The following NEK11 variants were observed in gnomAD, a reference collection of about 807,000 sequenced individuals.
NEK11 encodes the protein serine/threonine-protein kinase Nek11.
NEK11 carries 72 observed loss-of-function variants against 80.7 expected under a neutral mutation model. The observed-to-expected ratio is 0.89, with a 90% CI of 0.74 to 1.08. NEK11 has a LOEUF of 1.08. Among genes scored for constraint, NEK11 ranks in the 50% least tolerant of loss-of-function variants. The pLI is 0.00. For synonymous variants in NEK11, 251 were observed against 260.7 expected (o/e 0.96, Z 0.36); for missense variants, 764 against 763.6 (o/e 1.00, Z -0.01).
At chr3:131,181,594 A>C (rs922587852) in intron 14 of NEK11, among the ~76,000 whole-genome samples, 7 of 151,906 alleles carry the variant, frequency 4.6e-5, no homozygotes, top group Non-Finnish European at 8.8e-5. Context: ...AAAATACAAA[A>C]AATTAGCAGG....
intron 5 of NEK11, among the ~76,000 whole-genome samples, chr3:131,122,688 A>G (rs958451823): frequency 1.3e-5 from 2 of 152,200 alleles, no homozygotes; most frequent in Non-Finnish European, 2.9e-5. Flanking sequence ...TAAACTGTTC[A>G]TATTAGGGCT....
chr3:131,052,615 G>A (rs935874107), intron 3 of NEK11, among the ~76,000 whole-genome samples: 4 of 152,116 alleles, frequency 2.6e-5, no homozygotes, highest in Non-Finnish European at 4.4e-5. Flanking sequence ...CCTTGCCACC[G>A]TATGTCTCTC....
intron 17 of NEK11, among the ~76,000 whole-genome samples, chr3:131,322,660 A>G (rs1457552980): frequency 6.6e-6 from 1 of 152,130 alleles, no homozygotes; most frequent in African/African-American, 2.4e-5. Flanking sequence ...GAGGGGTGAG[A>G]GATTCTGCAT....
chr3:131,207,710 T>C (rs2094485764), intron 14 of NEK11, among the ~76,000 whole-genome samples: 1 of 152,258 alleles, frequency 6.6e-6, no homozygotes. Context: ...ATTTCTCTGA[T>C]GGCCAGTGAT....
intron 17 of NEK11, among the ~76,000 whole-genome samples, chr3:131,333,513 A>G (rs1401772123): frequency 1.3e-5 from 2 of 152,342 alleles, no homozygotes; most frequent in African/African-American, 2.4e-5. Context: ...CTGCAAAATC[A>G]TGCCAAAATG....
At chr3:131,111,996 T>A (rs146322213) in intron 5 of NEK11, among the ~76,000 whole-genome samples, 16 of 152,274 alleles carry the variant, frequency 1.1e-4, no homozygotes, top group African/African-American at 3.6e-4. Context: ...AGGGTATACA[T>A]TGATATAAAC....
intron 14 of NEK11, among the ~76,000 whole-genome samples, chr3:131,222,890 TG>T (rs149186316): frequency 5.4e-4 from 82 of 152,360 alleles, no homozygotes; most frequent in African/African-American, 2.0e-3. Context: ...GGCATTTATT[TG>T]GGTCTTAATT....
At chr3:131,089,431 T>G (rs1335785164) in intron 4 of NEK11, among the ~76,000 whole-genome samples, 1 of 152,040 alleles carries the variant, frequency 6.6e-6, no homozygotes, top group African/African-American at 2.4e-5. Flanking sequence ...GGGAAGCTTT[T>G]TCATTATTTT....
At chr3:131,069,965 C>T (rs889009985) in intron 3 of NEK11, among the ~76,000 whole-genome samples, 9 of 148,962 alleles carry the variant, frequency 6.0e-5, no homozygotes, top group African/African-American at 2.2e-4. Context: ...TACCCTAAAA[C>T]TTAAAGTATA....
At chr3:131,031,660 A>T (rs1249859621) in intron 3 of NEK11, among the ~76,000 whole-genome samples, 2 of 152,190 alleles carry the variant, frequency 1.3e-5, no homozygotes, top group Non-Finnish European at 2.9e-5. Flanking sequence ...AAAGAGAATG[A>T]GAGAGAAGAA....
intron 5 of NEK11, among the ~76,000 whole-genome samples, chr3:131,118,374 G>T (rs1357242068): frequency 1.3e-5 from 2 of 152,170 alleles, no homozygotes; most frequent in Non-Finnish European, 2.9e-5. Flanking sequence ...GATTCAGTTT[G>T]CCAGTATTTT....
chr3:131,282,435 T>C (rs565267016), intron 17 of NEK11, among the ~76,000 whole-genome samples: 3 of 152,256 alleles, frequency 2.0e-5, no homozygotes, highest in African/African-American at 7.2e-5. Flanking sequence ...CCCTGGTATA[T>C]TGAATGGCTA....
At chr3:131,053,977 A>G (rs1019968331) in intron 3 of NEK11, among the ~76,000 whole-genome samples, 6 of 152,268 alleles carry the variant, frequency 3.9e-5, no homozygotes, top group African/African-American at 1.4e-4. Context: ...ACACACATTT[A>G]AAGTTGTGGT....
At chr3:131,180,277 G>T (rs914749598) in intron 14 of NEK11, among the ~76,000 whole-genome samples, 2 of 152,274 alleles carry the variant, frequency 1.3e-5, no homozygotes, top group Middle Eastern at 3.4e-3. Flanking sequence ...TCAGATATGG[G>T]TGAACACTAC....
chr3:131,060,790 T>G (rs2070709217), intron 3 of NEK11, among the ~76,000 whole-genome samples: 1 of 152,216 alleles, frequency 6.6e-6, no homozygotes, highest in African/African-American at 2.4e-5. Context: ...TTTTAATTTC[T>G]CTTCATCCTC....
At chr3:131,068,334 G>A (rs2072462556) in intron 3 of NEK11, among the ~76,000 whole-genome samples, 1 of 152,208 alleles carries the variant, frequency 6.6e-6, no homozygotes. Context: ...TGAACCAGAA[G>A]CAGCATTTGA....
At chr3:131,332,653 A>G (rs2097110964) in intron 17 of NEK11, among the ~76,000 whole-genome samples, 1 of 152,256 alleles carries the variant, frequency 6.6e-6, no homozygotes, top group South Asian at 2.1e-4. Flanking sequence ...AAGGCTTCAG[A>G]TGATCAAAAT....
chr3:131,118,925 C>T (rs1271589227), intron 5 of NEK11, among the ~76,000 whole-genome samples: 1 of 152,102 alleles, frequency 6.6e-6, no homozygotes, highest in South Asian at 2.1e-4. Context: ...AAACCAGCTC[C>T]TGGATTGATT....
chr3:131,241,055 A>G (rs904957101), intron 15 of NEK11, among the ~76,000 whole-genome samples: 1 of 152,186 alleles, frequency 6.6e-6, no homozygotes, highest in Non-Finnish European at 1.5e-5. Flanking sequence ...TTTTGGTTTT[A>G]ATGGATCTGT....
Sources: allele counts gnomAD v4.1 joint callset (sites outside exome capture counted in the v4.1 genomes callset), GRCh38; gene constraint gnomAD v4.1.1; transcripts MANE v1.5; gene names NCBI Gene and HGNC (gene_info 2026-07-23, HGNC 2026-07-21).